The following SAMHD1 variants were observed in gnomAD, a reference collection of about 807,000 sequenced individuals.
SAMHD1 encodes SAM and HD domain containing deoxynucleoside triphosphate triphosphohydrolase 1.
Under a neutral mutation model 79.6 loss-of-function variants are expected in SAMHD1, and 54 were observed. The ratio of observed to expected loss-of-function variants is 0.68; its 90% CI spans 0.55 to 0.85. The LOEUF is 0.85. Among genes scored for constraint, SAMHD1 ranks in the 40% least tolerant of loss-of-function variants. The probability of loss-of-function intolerance (pLI) is 0.00; values close to 1 mark genes in which losing one functional copy is unlikely to be tolerated. For synonymous variants in SAMHD1, 260 were observed against 264.1 expected (o/e 0.98, Z 0.15); for missense variants, 663 against 782.7 (o/e 0.85, Z 1.82).
Position 36,918,437 on chromosome 20 carries a change from A to C in SAMHD1, c.852+927T>G, listed in dbSNP as rs2063487285. Among the ~76,000 whole-genome samples, 4 of 150,958 alleles carry C rather than the reference A, an allele frequency of 2.6e-5. 1 individual carries two copies. The South Asian group carries it at 8.4e-4, about 32-fold the overall frequency. On this transcript the variant is annotated intron_variant, in intron 7 of 15. Coordinates refer to ENST00000646673, the MANE Select transcript of SAMHD1 (RefSeq NM_015474.4). ...AGTTCGAAACCAGCTTAGGCAACAT[A>C]GTGAGACCACATCTCCAAAAAAAAA...
chr20:36,951,139 C>T (rs369728548), intron 1 of SAMHD1, among the ~76,000 whole-genome samples: 1 of 152,374 alleles, frequency 6.6e-6, no homozygotes, highest in East Asian at 1.9e-4. Context: ...GAGCCTGCTC[C>T]CATCCTACGA....
chr20:36,893,210 T>C, intron 15 of SAMHD1, 144 bp from the exon 16 acceptor site: 3 of 991,004 alleles, frequency 3.0e-6, no homozygotes, highest in African/African-American at 1.6e-5. Flanking sequence ...AACTCCAAAT[T>C]ACATATGCCC....
chr20:36,917,082 G>C, intron 7 of SAMHD1, 33 bp from the exon 8 acceptor site: 1 of 1,357,388 alleles, frequency 7.4e-7, no homozygotes, highest in Non-Finnish European at 1.1e-6. Flanking sequence ...GGAAGTTTTA[G>C]GATAGGCACC....
At chr20:36,925,396 G>C (rs1231032854) in intron 6 of SAMHD1, among the ~76,000 whole-genome samples, 1 of 152,224 alleles carries the variant, frequency 6.6e-6, no homozygotes, top group Non-Finnish European at 1.5e-5. Context: ...ACTTAGAAGG[G>C]AGAGGTGCTG....
intron 9 of SAMHD1, among the ~76,000 whole-genome samples, chr20:36,916,056 G>A (rs1329026076): frequency 6.6e-6 from 1 of 151,698 alleles, no homozygotes; most frequent in East Asian, 2.0e-4. Flanking sequence ...AGCTACTAGG[G>A]AGGCTGAGGC....
At chr20:36,927,973 T>G (rs1337569452) in intron 5 of SAMHD1, among the ~76,000 whole-genome samples, 1 of 152,182 alleles carries the variant, frequency 6.6e-6, no homozygotes, top group East Asian at 1.9e-4. Context: ...ACTACAAGCA[T>G]GCACCACCAC....
chr20:36,943,326 G>A (rs567133510), intron 2 of SAMHD1, among the ~76,000 whole-genome samples: 1 of 152,300 alleles, frequency 6.6e-6, no homozygotes, highest in African/African-American at 2.4e-5. Flanking sequence ...CACAGTAGCC[G>A]TTAGCCATAG....
chr20:36,923,384 T>C (rs1031960846), intron 6 of SAMHD1, among the ~76,000 whole-genome samples: 8 of 152,040 alleles, frequency 5.3e-5, no homozygotes, highest in African/African-American at 1.9e-4. Flanking sequence ...ATGACATCAC[T>C]GAGCTCCTGC....
chr20:36,934,346 A>T (rs1342151508), intron 4 of SAMHD1, among the ~76,000 whole-genome samples: 1 of 151,562 alleles, frequency 6.6e-6, no homozygotes, highest in Non-Finnish European at 1.5e-5. Context: ...CAAGATGGTG[A>T]AACCCCGTCT....
intron 13 of SAMHD1, among the ~76,000 whole-genome samples, chr20:36,903,697 A>G (rs1437603802): frequency 6.6e-6 from 1 of 151,672 alleles, no homozygotes; most frequent in Admixed American, 6.6e-5. Flanking sequence ...CTACAGGCGC[A>G]AACCACCAAG....
At chr20:36,909,038 C>T (rs1025643026) in intron 11 of SAMHD1, among the ~76,000 whole-genome samples, 9 of 151,986 alleles carry the variant, frequency 5.9e-5, no homozygotes, top group Non-Finnish European at 8.8e-5. Context: ...CTCTGCTCAC[C>T]GCAACCTCTG....
intron 12 of SAMHD1, 76 bp downstream of exon 12, chr20:36,905,288 A>G: frequency 6.8e-7 from 1 of 1,463,404 alleles, no homozygotes; most frequent in Non-Finnish European, 9.6e-7. Context: ...GAGTCATAGT[A>G]TCACGATAGG....
intron 15 of SAMHD1, among the ~76,000 whole-genome samples, chr20:36,894,516 C>T (rs1667000731): frequency 6.6e-6 from 1 of 151,082 alleles, no homozygotes; most frequent in South Asian, 2.1e-4. Flanking sequence ...CCTGTAATCC[C>T]AACACTTTGG....
chr20:36,902,146 G>A (rs1990317354), intron 13 of SAMHD1, among the ~76,000 whole-genome samples: 2 of 152,144 alleles, frequency 1.3e-5, no homozygotes, highest in South Asian at 4.1e-4. Flanking sequence ...AGTTCTGAGA[G>A]GAGGGAGGAC....
chr20:36,904,062 T>C, intron 13 of SAMHD1, 95 bp downstream of exon 13: 1 of 807,196 alleles, frequency 1.2e-6, no homozygotes, highest in Non-Finnish European at 2.1e-6. Context: ...TGTATTTTTC[T>C]AATTTGCTAA....
At chr20:36,911,567 CCAA>C in intron 10 of SAMHD1, 1 of 480,200 alleles carries the variant, frequency 2.1e-6, no homozygotes, top group Non-Finnish European at 3.8e-6. Context: ...TTTATTCCTC[CCAA>C]CAATAAGGTA....
intron 11 of SAMHD1, among the ~76,000 whole-genome samples, chr20:36,910,635 C>T (rs115720427): frequency 0.071 from 10,651 of 150,382 alleles, 438 homozygotes; most frequent in South Asian, 0.088. Flanking sequence ...GAGACTGAGG[C>T]AGGAGAATTG....
rs35505370 is a variant in SAMHD1, at chr20:36,910,222, C to CAAA, written c.1270+993_1270+995dup. ...TGGGCGACAGAGCAAGACTCCGTAT[C>CAAA]AAAAAAAAAAAAAAAAATTCCCAGG... On this transcript the variant is annotated intron_variant, in intron 11 of 15. Coordinates refer to ENST00000646673, the MANE Select transcript of SAMHD1 (RefSeq NM_015474.4). Among the ~76,000 whole-genome samples, 36 of 121,916 alleles carry CAAA rather than the reference C, an allele frequency of 3.0e-4. 1 individual carries two copies. The highest frequency in any genetic ancestry group is 1.1e-3 in the African/African-American group (34 of 31,348). The allele number at this position is 121,916 out of a possible 152,430, so 80.0% of individuals were successfully genotyped here.
At chr20:36,915,470 C>T (rs2063468914) in intron 9 of SAMHD1, among the ~76,000 whole-genome samples, 1 of 152,144 alleles carries the variant, frequency 6.6e-6, no homozygotes, top group Admixed American at 6.5e-5. Flanking sequence ...GGTACAGTGG[C>T]TTACACCTAT....
Sources: gnomAD v4.1 joint callset for allele counts (sites outside exome capture counted in the v4.1 genomes callset) on GRCh38, gnomAD v4.1.1 for gene constraint, MANE v1.5 for transcripts, NCBI Gene and HGNC (gene_info 2026-07-23, HGNC 2026-07-21) for gene names.